MGAT4C: variants seen among roughly 807,000 people sequenced by gnomAD.
MGAT4C encodes the protein alpha-1,3-mannosyl-glycoprotein 4-beta-N-acetylglucosaminyltransferase C.
Under a neutral mutation model 40.1 loss-of-function variants are expected in MGAT4C, and 19 were observed. The observed-to-expected ratio is 0.47, with a 90% CI of 0.33 to 0.70. The LOEUF is 0.70. Ranked by LOEUF, MGAT4C falls within the 30% of genes least tolerant of loss-of-function variation. The probability of loss-of-function intolerance (pLI) is 0.02; values close to 1 mark genes in which losing one functional copy is unlikely to be tolerated. For missense variants in MGAT4C, 491 were observed against 563.2 expected, an observed-to-expected ratio of 0.87 and a Z score of 1.30; for synonymous variants, 181 against 187.1, an observed-to-expected ratio of 0.97 and a Z score of 0.27.
chr12:86,018,323 A>T (rs1889301483), intron 2 of MGAT4C, among the ~76,000 whole-genome samples: 1 of 152,192 alleles, frequency 6.6e-6, no homozygotes, highest in African/African-American at 2.4e-5. Context: ...AGTAAATTAC[A>T]TTCCCCAAAT....
chr12:86,356,526 A>T (rs1324732416), intron 3 of MGAT4C, among the ~76,000 whole-genome samples: 2 of 152,082 alleles, frequency 1.3e-5, no homozygotes, highest in Non-Finnish European at 2.9e-5. Flanking sequence ...GCAGGGCATC[A>T]CTTCACATGG....
intron 1 of MGAT4C, among the ~76,000 whole-genome samples, chr12:86,242,470 TAAAC>T (rs1441310813): frequency 1.3e-5 from 2 of 152,274 alleles, no homozygotes; most frequent in East Asian, 3.9e-4. Context: ...CACGGACCCT[TAAAC>T]AAGTATCTTT....
chr12:86,561,047 G>A (rs930339667), intron 2 of MGAT4C, among the ~76,000 whole-genome samples: 1 of 152,052 alleles, frequency 6.6e-6, no homozygotes, highest in Non-Finnish European at 1.5e-5. Flanking sequence ...TTCATTTAAA[G>A]TAGTTCAAAA....
chr12:86,618,538 A>C (rs1023963055), intron 2 of MGAT4C, among the ~76,000 whole-genome samples: 2 of 152,208 alleles, frequency 1.3e-5, no homozygotes, highest in Non-Finnish European at 2.9e-5. Flanking sequence ...CATAGATGGA[A>C]CTGGAGGTGA....
intron 2 of MGAT4C, among the ~76,000 whole-genome samples, chr12:86,710,435 A>C (rs1198847773): frequency 2.0e-5 from 3 of 152,192 alleles, no homozygotes; most frequent in African/African-American, 7.2e-5. Context: ...TTAAATTAGA[A>C]ATCAAGCCTG....
chr12:86,226,248 G>A (rs1724929367), intron 1 of MGAT4C, among the ~76,000 whole-genome samples: 1 of 151,840 alleles, frequency 6.6e-6, no homozygotes, highest in Non-Finnish European at 1.5e-5. Flanking sequence ...AATTGAGGTA[G>A]GAAGAATGAT....
At chr12:86,024,474 C>T (rs1890071334) in intron 2 of MGAT4C, among the ~76,000 whole-genome samples, 2 of 151,696 alleles carry the variant, frequency 1.3e-5, no homozygotes, top group Admixed American at 1.3e-4. Flanking sequence ...TTGTTTCTTT[C>T]CCTTTCTATT....
At chr12:86,064,725 T>G (rs1012599962) in intron 1 of MGAT4C, among the ~76,000 whole-genome samples, 1 of 152,060 alleles carries the variant, frequency 6.6e-6, no homozygotes, top group Non-Finnish European at 1.5e-5. Flanking sequence ...AGAGCAGAAC[T>G]GAAGGAGATA....
intron 1 of MGAT4C, among the ~76,000 whole-genome samples, chr12:86,791,700 G>T (rs893361961): frequency 7.9e-5 from 12 of 152,084 alleles, no homozygotes; most frequent in African/African-American, 2.9e-4. Context: ...TTTGTGACTG[G>T]AAAGAAGGCA....
At chr12:86,420,524 C>A (rs374451267) in intron 3 of MGAT4C, among the ~76,000 whole-genome samples, 1 of 152,060 alleles carries the variant, frequency 6.6e-6, no homozygotes, top group African/African-American at 2.4e-5. Context: ...CACCTCTTAG[C>A]AGCTCATAAT....
intron 2 of MGAT4C, among the ~76,000 whole-genome samples, chr12:86,020,959 T>C (rs1393176117): frequency 6.6e-6 from 1 of 152,164 alleles, no homozygotes; most frequent in Non-Finnish European, 1.5e-5. Context: ...AAAGAAGACA[T>C]TTATGCAGCC....
At chr12:86,733,141 G>T (rs1950937143) in intron 1 of MGAT4C, among the ~76,000 whole-genome samples, 1 of 152,006 alleles carries the variant, frequency 6.6e-6, no homozygotes, top group African/African-American at 2.4e-5. Flanking sequence ...GCATTAGAGA[G>T]AAATACTTAA....
intron 1 of MGAT4C, among the ~76,000 whole-genome samples, chr12:86,745,949 A>T (rs957573360): frequency 6.6e-6 from 1 of 151,624 alleles, no homozygotes; most frequent in Non-Finnish European, 1.5e-5. Flanking sequence ...TCTATCTCTA[A>T]AAAAGGGAAC....
chr12:86,105,114 A>G (rs937256295), intron 1 of MGAT4C, among the ~76,000 whole-genome samples: 1 of 152,194 alleles, frequency 6.6e-6, no homozygotes, highest in Admixed American at 6.5e-5. Context: ...CAATCATATC[A>G]AGGCAAATGG....
chr12:86,688,518 G>A (rs1394830008), intron 2 of MGAT4C, among the ~76,000 whole-genome samples: 2 of 152,092 alleles, frequency 1.3e-5, no homozygotes, highest in African/African-American at 4.8e-5. Flanking sequence ...GTTTCTTTCA[G>A]GAGATCCTGT....
intron 1 of MGAT4C, among the ~76,000 whole-genome samples, chr12:86,051,424 C>T (rs1013857480): frequency 2.0e-5 from 3 of 151,762 alleles, no homozygotes; most frequent in African/African-American, 7.2e-5. Context: ...TTTAGAATCC[C>T]ATTAGTGATT....
intron 1 of MGAT4C, among the ~76,000 whole-genome samples, chr12:86,739,133 C>CAAAAAAAAAAAA (rs59869666): frequency 8.3e-4 from 33 of 39,792 alleles, no homozygotes; most frequent in Non-Finnish European, 1.1e-3. Context: ...TTTCCCTGTG[C>CAAAAAAAAAAAA]AAAAAAAAAA....
chr12:86,193,274 C>T (rs1409517178), intron 1 of MGAT4C, among the ~76,000 whole-genome samples: 2 of 151,484 alleles, frequency 1.3e-5, no homozygotes, highest in South Asian at 2.1e-4. Context: ...TACTTTTAGC[C>T]TAAAAATTAC....
chr12:86,501,883 T>C (rs1056129492), intron 2 of MGAT4C, among the ~76,000 whole-genome samples: 1 of 152,110 alleles, frequency 6.6e-6, no homozygotes, highest in African/African-American at 2.4e-5. Flanking sequence ...CAAATGATAT[T>C]TCTATTTCTA....
Sources: gnomAD v4.1 joint callset for allele counts (sites outside exome capture counted in the v4.1 genomes callset) on GRCh38, gnomAD v4.1.1 for gene constraint, MANE v1.5 for transcripts, NCBI Gene and HGNC (gene_info 2026-07-23, HGNC 2026-07-21) for gene names.